KPNA3: variants seen among roughly 807,000 people sequenced by gnomAD.
KPNA3 encodes importin subunit alpha-4.
KPNA3 carries 13 observed loss-of-function variants against 73.8 expected under a neutral mutation model. The ratio of observed to expected loss-of-function variants is 0.18; its 90% CI spans 0.11 to 0.28. The LOEUF (loss-of-function observed/expected upper bound fraction) is 0.28. Ranked by LOEUF, KPNA3 falls within the 10% of genes least tolerant of loss-of-function variation. The pLI is 1.00. For missense variants in KPNA3, 360 were observed against 618.1 expected (o/e 0.58, Z 4.43); for synonymous variants, 186 against 206.9 (o/e 0.90, Z 0.87).
At position 49,701,763 on chromosome 13, in the gene KPNA3, A is replaced by G. The variant is rs1343648593; in HGVS notation, c.*37T>C. 6.4e-6 allele frequency: 8 copies of G among 1,249,544 alleles called. No homozygotes were observed. The highest frequency in any genetic ancestry group is 1.7e-5 in the Admixed American group (1 of 59,456). 77.4% of individuals were successfully genotyped at this position (1,249,544 alleles called of 1,614,324 possible). A position where few individuals can be genotyped will look rare whatever the true frequency, so the allele number is the denominator to read the frequency against. On this transcript the variant is annotated 3_prime_UTR_variant, in exon 17 of 17. Transcript: ENST00000261667. ...TTTGGTAGCCATCTGGTGGTGCTTC[A>G]TATTGAATGTGGGAAAGATGCTGCA...
At chr13:49,730,606 A>T (rs1267183761) in intron 6 of KPNA3, among the ~76,000 whole-genome samples, 4 of 144,378 alleles carry the variant, frequency 2.8e-5, no homozygotes, top group Admixed American at 7.0e-5. Context: ...TTATTTATTT[A>T]TTTATTTTAT....
chr13:49,771,658 C>T (rs1003560402), intron 1 of KPNA3, among the ~76,000 whole-genome samples: 1 of 152,116 alleles, frequency 6.6e-6, no homozygotes, highest in African/African-American at 2.4e-5. Context: ...CAGGGTCTCA[C>T]TCTGTTGCTT....
At chr13:49,790,237 C>T (rs1955021452) in intron 1 of KPNA3, among the ~76,000 whole-genome samples, 1 of 152,094 alleles carries the variant, frequency 6.6e-6, no homozygotes, top group Non-Finnish European at 1.5e-5. Flanking sequence ...AAGGCCGAGG[C>T]GGGAGAATCA....
chr13:49,744,025 C>T (rs920396429), intron 2 of KPNA3, among the ~76,000 whole-genome samples: 3 of 152,086 alleles, frequency 2.0e-5, no homozygotes, highest in Admixed American at 2.0e-4. Context: ...TCTAAATATG[C>T]AAAATAATCT....
At chr13:49,712,155 T>G (rs896390652) in intron 10 of KPNA3, among the ~76,000 whole-genome samples, 1 of 152,130 alleles carries the variant, frequency 6.6e-6, no homozygotes. Flanking sequence ...TAACAGTAAC[T>G]AGATTTACCT....
At chr13:49,727,385 T>C (rs1954419418) in intron 6 of KPNA3, among the ~76,000 whole-genome samples, 1 of 147,176 alleles carries the variant, frequency 6.8e-6, no homozygotes, top group South Asian at 2.1e-4. Flanking sequence ...GAGGCGGAGG[T>C]TGTGGTGAGC....
chr13:49,779,734 T>A (rs1355722041), intron 1 of KPNA3, among the ~76,000 whole-genome samples: 1 of 152,140 alleles, frequency 6.6e-6, no homozygotes, highest in Non-Finnish European at 1.5e-5. Flanking sequence ...AATATTTAAA[T>A]CAAAGCTCTA....
chr13:49,715,590 T>C (rs1360350365), intron 10 of KPNA3, among the ~76,000 whole-genome samples: 2 of 151,994 alleles, frequency 1.3e-5, no homozygotes, highest in African/African-American at 4.8e-5. Flanking sequence ...AGTCGAAAAA[T>C]GTCATTTAAA....
intron 1 of KPNA3, among the ~76,000 whole-genome samples, chr13:49,778,369 A>T (rs1173532467): frequency 6.6e-6 from 1 of 152,144 alleles, no homozygotes; most frequent in African/African-American, 2.4e-5. Flanking sequence ...AACCAATCTG[A>T]CTGTTTCTGT....
chr13:49,754,701 A>C (rs544629157), intron 1 of KPNA3, among the ~76,000 whole-genome samples: 1 of 152,138 alleles, frequency 6.6e-6, no homozygotes, highest in Non-Finnish European at 1.5e-5. Context: ...AAAAGGTACT[A>C]TCACTACAGA....
At position 49,748,686 on chromosome 13, in the gene KPNA3, C is replaced by T. The variant is rs908736648; in HGVS notation, c.70-1693G>A. Among the ~76,000 whole-genome samples the T allele has an allele frequency of 4.6e-5, 7 of 151,986 alleles. No homozygotes were observed. The East Asian group carries it at 9.7e-4, about 21-fold the overall frequency. ...TATATATTAAATAGAAACAAAACTG[C>T]CAAACAAAATTCAAATTAGTCATAT... is the stretch of plus-strand genomic sequence containing the variant. On this transcript the variant is annotated intron_variant, in intron 1 of 16. Transcript: ENST00000261667.
chr13:49,785,286 G>C (rs1450646400), intron 1 of KPNA3, among the ~76,000 whole-genome samples: 1 of 152,148 alleles, frequency 6.6e-6, no homozygotes, highest in African/African-American at 2.4e-5. Context: ...AAGTAGGCTG[G>C]AGGCAGCAGA....
At chr13:49,753,553 T>C (rs1052981237) in intron 1 of KPNA3, among the ~76,000 whole-genome samples, 2 of 152,234 alleles carry the variant, frequency 1.3e-5, no homozygotes, top group African/African-American at 2.4e-5. Context: ...TATTTACCTG[T>C]AGAACTAAGA....
At chr13:49,734,950 T>TTAG (rs1954507755) in intron 2 of KPNA3, among the ~76,000 whole-genome samples, 1 of 76,092 alleles carries the variant, frequency 1.3e-5, no homozygotes, top group Non-Finnish European at 3.5e-5. Context: ...GAGAGAGAGA[T>TTAG]AGATAGAGAG....
chr13:49,754,997 A>G (rs1446212223), intron 1 of KPNA3, among the ~76,000 whole-genome samples: 1 of 152,114 alleles, frequency 6.6e-6, no homozygotes, highest in East Asian at 1.9e-4. Flanking sequence ...AGATGGGTAC[A>G]CTTCTCAATT....
chr13:49,757,786 G>A (rs192551605), intron 1 of KPNA3, among the ~76,000 whole-genome samples: 11 of 152,104 alleles, frequency 7.2e-5, no homozygotes, highest in East Asian at 3.9e-4. Flanking sequence ...TATCCTTCAC[G>A]CTTAAACTGT....
chr13:49,761,178 T>C (rs891400041), intron 1 of KPNA3, among the ~76,000 whole-genome samples: 8 of 152,122 alleles, frequency 5.3e-5, no homozygotes, highest in Non-Finnish European at 1.0e-4. Flanking sequence ...GCTGATGTCA[T>C]ATAAGTAGTA....
chr13:49,739,010 A>T (rs1954549482), intron 2 of KPNA3, among the ~76,000 whole-genome samples: 1 of 152,124 alleles, frequency 6.6e-6, no homozygotes, highest in Non-Finnish European at 1.5e-5. Context: ...ATTCCTTTCT[A>T]TTCCTTTTAT....
At chr13:49,702,205 A>G (rs9535302) in intron 16 of KPNA3, among the ~76,000 whole-genome samples, 181 bp downstream of exon 16, 45,382 of 152,074 alleles carry the variant, frequency 0.3, 7,031 homozygotes, top group Non-Finnish European at 0.34. Flanking sequence ...AACTGTTTTT[A>G]CAACTTTACC....
Sources: allele counts gnomAD v4.1 joint callset (sites outside exome capture counted in the v4.1 genomes callset), GRCh38; gene constraint gnomAD v4.1.1; transcripts MANE v1.5; gene names NCBI Gene and HGNC (gene_info 2026-07-23, HGNC 2026-07-21).